Variants in TBL1XR1 observed in about 807,000 individuals in gnomAD.
The protein encoded by TBL1XR1 is TBL1X/Y related 1.
A neutral mutation model predicts 66.9 loss-of-function variants in TBL1XR1; 5 were observed. The observed-to-expected ratio is 0.07, with a 90% CI of 0.04 to 0.16. The LOEUF (loss-of-function observed/expected upper bound fraction) is 0.16. Ranked by LOEUF, TBL1XR1 falls within the 10% of genes least tolerant of loss-of-function variation. The pLI is 1.00. For missense variants in TBL1XR1, 238 were observed against 623.2 expected, an observed-to-expected ratio of 0.38 and a Z score of 6.58; for synonymous variants, 210 against 206.0, an observed-to-expected ratio of 1.02 and a Z score of -0.17.
chr3:177,190,470 C>CA (rs1736011614), intron 1 of TBL1XR1, among the ~76,000 whole-genome samples: 1 of 152,128 alleles, frequency 6.6e-6, no homozygotes, highest in Non-Finnish European at 1.5e-5. Context: ...CGTGTGCCAC[C>CA]ACTCCCAGCT....
intron 1 of TBL1XR1, among the ~76,000 whole-genome samples, chr3:177,134,982 T>TGTGTGTCTGC (rs1728753750): frequency 6.6e-6 from 1 of 151,250 alleles, no homozygotes; most frequent in Admixed American, 6.6e-5. Context: ...TGTGTGTCTG[T>TGTGTGTCTGC]GTGTGTGTGT....
chr3:177,133,657 T>C (rs1728565967), intron 1 of TBL1XR1, among the ~76,000 whole-genome samples: 1 of 152,024 alleles, frequency 6.6e-6, no homozygotes, highest in Non-Finnish European at 1.5e-5. Flanking sequence ...ATGCCAACAC[T>C]TTGAGAGGCG....
intron 3 of TBL1XR1, among the ~76,000 whole-genome samples, chr3:177,064,473 T>C (rs1251545632): frequency 6.6e-6 from 1 of 152,182 alleles, no homozygotes; most frequent in Non-Finnish European, 1.5e-5. Flanking sequence ...ATAATAACAA[T>C]TCAGATCAAG....
At chr3:177,101,745 A>C (rs1052321062) in intron 1 of TBL1XR1, among the ~76,000 whole-genome samples, 16 of 152,366 alleles carry the variant, frequency 1.1e-4, no homozygotes, top group Middle Eastern at 6.8e-3. Context: ...CTGTTATAAC[A>C]ACAGAAAATG....
At chr3:177,160,596 TG>T (rs1732074100) in intron 1 of TBL1XR1, among the ~76,000 whole-genome samples, 1 of 152,058 alleles carries the variant, frequency 6.6e-6, no homozygotes, top group Admixed American at 6.6e-5. Flanking sequence ...TTACTTGCAC[TG>T]GGTTTGATGG....
At chr3:177,072,875 C>T (rs1720220969) in intron 2 of TBL1XR1, among the ~76,000 whole-genome samples, 24 of 152,124 alleles carry the variant, frequency 1.6e-4, no homozygotes, top group Admixed American at 1.6e-3. Context: ...ACCAGCCTGG[C>T]CAACATGGCG....
chr3:177,050,286 G>A, intron 6 of TBL1XR1, 148 bp from the exon 7 acceptor site: 1 of 1,266,650 alleles, frequency 7.9e-7, no homozygotes, highest in Non-Finnish European at 1.1e-6. Context: ...TCTACACGTT[G>A]GGACCCCCAA....
At chr3:177,192,718 C>T (rs946453794) in intron 1 of TBL1XR1, among the ~76,000 whole-genome samples, 1 of 152,160 alleles carries the variant, frequency 6.6e-6, no homozygotes, top group African/African-American at 2.4e-5. Context: ...AAACAAACTT[C>T]AAAAATCAAA....
At chr3:177,043,079 G>T (rs1277146487) in intron 10 of TBL1XR1, among the ~76,000 whole-genome samples, 1 of 152,126 alleles carries the variant, frequency 6.6e-6, no homozygotes, top group Non-Finnish European at 1.5e-5. Flanking sequence ...TTATTTAGAA[G>T]TGTGGGTTCC....
At chr3:177,101,688 T>C (rs1040761163) in intron 1 of TBL1XR1, among the ~76,000 whole-genome samples, 2 of 152,282 alleles carry the variant, frequency 1.3e-5, no homozygotes, top group African/African-American at 4.8e-5. Flanking sequence ...TCTGGAACTA[T>C]AAGAAATCAA....
chr3:177,169,259 T>C (rs1311314235), intron 1 of TBL1XR1, among the ~76,000 whole-genome samples: 3 of 152,212 alleles, frequency 2.0e-5, no homozygotes, highest in African/African-American at 7.2e-5. Flanking sequence ...ATACCTTTTG[T>C]AATCATTAGC....
chr3:177,112,107 A>ATATATATATATATATATTTTT, intron 1 of TBL1XR1, among the ~76,000 whole-genome samples: 1 of 37,652 alleles, frequency 2.7e-5, no homozygotes, highest in Non-Finnish European at 4.5e-5. Context: ...ATATATATAT[A>ATATATATATATATATATTTTT]TTTTTTTTTT....
intron 1 of TBL1XR1, among the ~76,000 whole-genome samples, chr3:177,148,700 C>T (rs1281465607): frequency 6.7e-6 from 1 of 149,742 alleles, no homozygotes; most frequent in Non-Finnish European, 1.5e-5. Context: ...GAATAAGACT[C>T]GAGAAAAAAA....
intron 10 of TBL1XR1, among the ~76,000 whole-genome samples, chr3:177,045,443 T>C (rs1000527698): frequency 1.3e-5 from 2 of 152,082 alleles, no homozygotes; most frequent in African/African-American, 4.8e-5. Flanking sequence ...TATGGCTGGC[T>C]CTACTCAAGC....
intron 1 of TBL1XR1, among the ~76,000 whole-genome samples, chr3:177,168,297 T>C (rs78457373): frequency 6.6e-6 from 1 of 151,904 alleles, no homozygotes; most frequent in Non-Finnish European, 1.5e-5. Context: ...TTTTTTTTTT[T>C]TGAGACGAAG....
At chr3:177,111,311 T>G (rs1725534662) in intron 1 of TBL1XR1, among the ~76,000 whole-genome samples, 1 of 151,222 alleles carries the variant, frequency 6.6e-6, no homozygotes, top group Non-Finnish European at 1.5e-5. Context: ...CTTTCTCTGT[T>G]GCCCAGACTG....
intron 1 of TBL1XR1, among the ~76,000 whole-genome samples, chr3:177,139,159 C>A (rs1250874594): frequency 6.6e-6 from 1 of 152,076 alleles, no homozygotes; most frequent in African/African-American, 2.4e-5. Context: ...TCAAAAAACA[C>A]ACTGCAAGAT....
chr3:177,178,570 A>C (rs1734430487), intron 1 of TBL1XR1, among the ~76,000 whole-genome samples: 1 of 152,208 alleles, frequency 6.6e-6, no homozygotes, highest in Non-Finnish European at 1.5e-5. Context: ...CTTTCAGGTG[A>C]AGGAAGCACA....
At chr3:177,040,379 T>C (rs1042436752) in intron 10 of TBL1XR1, among the ~76,000 whole-genome samples, 9 of 152,142 alleles carry the variant, frequency 5.9e-5, no homozygotes, top group Non-Finnish European at 1.5e-5. Flanking sequence ...AAGCATTTAA[T>C]AAAGGAGATT....
Sources: allele counts gnomAD v4.1 joint callset (sites outside exome capture counted in the v4.1 genomes callset), GRCh38; gene constraint gnomAD v4.1.1; transcripts MANE v1.5; gene names NCBI Gene and HGNC (gene_info 2026-07-23, HGNC 2026-07-21).